The following SRD5A2 variants were observed in gnomAD, a reference collection of about 807,000 sequenced individuals.
The protein encoded by SRD5A2 is steroid 5 alpha-reductase 2.
In SRD5A2, 30 loss-of-function variants were observed where a neutral mutation model predicts 27.4. That is an observed-to-expected ratio of 1.10 (90% confidence interval 0.82 to 1.49). The LOEUF is 1.49. Ranked by LOEUF, SRD5A2 falls within the 40% of genes most tolerant of loss-of-function variation. The probability of loss-of-function intolerance (pLI) is 0.00; values close to 1 mark genes in which losing one functional copy is unlikely to be tolerated. For synonymous variants in SRD5A2, 141 were observed against 133.6 expected, an observed-to-expected ratio of 1.06 and a Z score of -0.38; for missense variants, 348 against 323.4, an observed-to-expected ratio of 1.08 and a Z score of -0.58.
chr2:31,568,147 C>T (rs953235680), intron 1 of SRD5A2, among the ~76,000 whole-genome samples: 2 of 152,136 alleles, frequency 1.3e-5, no homozygotes, highest in Admixed American at 6.5e-5. Context: ...CTTGGAGATG[C>T]CAGGAACCAC....
chr2:31,639,203 A>C, the SRD5A2 span, among the ~76,000 whole-genome samples: 6 of 152,094 alleles, frequency 3.9e-5, no homozygotes, highest in African/African-American at 9.7e-5. Context: ...ACAAATACAC[A>C]AAAAAATTCT....
At chr2:31,587,426 T>G in the SRD5A2 span, among the ~76,000 whole-genome samples, 1 of 152,234 alleles carries the variant, frequency 6.6e-6, no homozygotes, top group Non-Finnish European at 1.5e-5. Flanking sequence ...AGGATCATAA[T>G]TCATTCTACT....
In SRD5A2 at chr2:31,580,852, A is replaced by C. The variant is rs1405785453; in HGVS notation, c.49T>G (p.Leu17Val). 6.2e-7 allele frequency: 1 copy of C among 1,611,588 alleles called. No individual in the cohort carries two copies. The highest frequency in any genetic ancestry group is 1.1e-5 in the South Asian group (1 of 91,058). The change falls in exon 1 of 5, where the codon TTG (leucine) becomes GTG (valine). Residue 17 changes from leucine (L) to valine (V), a missense_variant. By Grantham distance (32) the Leu-to-Val change is conservative. Transcript: ENST00000622030. ...QSPVLAGSAT[L>V]VALGALALYV... The stretch of plus-strand genomic sequence containing the variant: ...AAGGCCAGTGCCCCAAGGGCGACCA[A>C]AGTGGCGCTGCCTGCCAGCACTGGG...
At chr2:31,652,084 A>G in the SRD5A2 span, among the ~76,000 whole-genome samples, 1 of 152,104 alleles carries the variant, frequency 6.6e-6, no homozygotes, top group Non-Finnish European at 1.5e-5. Context: ...TTAGCCCCCC[A>G]GTAGCTGGGA....
chr2:31,639,602 T>C, the SRD5A2 span, among the ~76,000 whole-genome samples: 1 of 152,088 alleles, frequency 6.6e-6, no homozygotes, highest in South Asian at 2.1e-4. Flanking sequence ...TGAATTATAA[T>C]TTTGCTGGAT....
At chr2:31,633,504 G>A in the SRD5A2 span, among the ~76,000 whole-genome samples, 1 of 152,154 alleles carries the variant, frequency 6.6e-6, no homozygotes, top group Admixed American at 6.5e-5. Context: ...CAGAATCAAA[G>A]CTGTGAACTA....
intron 1 of SRD5A2, among the ~76,000 whole-genome samples, chr2:31,558,791 C>G (rs1002294258): frequency 2.0e-5 from 3 of 152,100 alleles, no homozygotes; most frequent in Non-Finnish European, 1.5e-5. Flanking sequence ...AGCCTAGGAA[C>G]AATAGGATAT....
intron 1 of SRD5A2, chr2:31,563,003 T>A: frequency 6.6e-6 from 1 of 152,104 alleles, no homozygotes; most frequent in East Asian, 1.9e-4. Context: ...TAATTTTCCA[T>A]GTGAAAGTTT....
chr2:31,628,177 T>C, the SRD5A2 span, among the ~76,000 whole-genome samples: 1 of 152,168 alleles, frequency 6.6e-6, no homozygotes, highest in African/African-American at 2.4e-5. Context: ...CATATATAGT[T>C]AGGATAGGTA....
chr2:31,625,051 T>C, the SRD5A2 span, among the ~76,000 whole-genome samples: 1 of 152,184 alleles, frequency 6.6e-6, no homozygotes. Context: ...TGATTGCCAT[T>C]CTAACTGGTG....
At chr2:31,604,285 A>G in the SRD5A2 span, among the ~76,000 whole-genome samples, 1 of 151,804 alleles carries the variant, frequency 6.6e-6, no homozygotes, top group Non-Finnish European at 1.5e-5. Context: ...AGCTAGAACA[A>G]TTGGATGGAC....
At chr2:31,597,959 C>A in the SRD5A2 span, among the ~76,000 whole-genome samples, 1 of 151,982 alleles carries the variant, frequency 6.6e-6, no homozygotes, top group African/African-American at 2.4e-5. Context: ...TGGGTGTCTA[C>A]CCAGAGGAAA....
the SRD5A2 span, among the ~76,000 whole-genome samples, chr2:31,609,584 G>T: frequency 2.0e-5 from 3 of 152,014 alleles, no homozygotes; most frequent in African/African-American, 4.8e-5. Context: ...AATAAAATAG[G>T]ACCCTTATTT....
In SRD5A2 at chr2:31,564,937, AAAT is replaced by A. The variant is rs375655518; in HGVS notation, c.281+15680_281+15682del. Among the ~76,000 whole-genome samples the A allele has an allele frequency of 9.1e-3, 1,378 of 152,122 alleles. 19 individuals carry two copies. The highest frequency in any genetic ancestry group is 0.028 in the South Asian group (135 of 4,826). ...CATCAAATATGGCAACCACATAAGC[AAAT>A]ATATAACTTTTTTATTATCTTATTT... On this transcript the variant is annotated intron_variant, in intron 1 of 4. Coordinates refer to ENST00000622030, the MANE Select transcript of SRD5A2 (RefSeq NM_000348.4).
chr2:31,604,989 A>T, the SRD5A2 span, among the ~76,000 whole-genome samples: 1 of 151,894 alleles, frequency 6.6e-6, no homozygotes, highest in Non-Finnish European at 1.5e-5. Flanking sequence ...GAACCTAGAA[A>T]CAAATCCCAC....
At chr2:31,528,494 C>T (rs113631070) in intron 4 of SRD5A2, among the ~76,000 whole-genome samples, 35 of 152,276 alleles carry the variant, frequency 2.3e-4, no homozygotes, top group South Asian at 6.2e-4. Context: ...GGAGGCCAGG[C>T]GTGATGGCTT....
chr2:31,556,474 G>A (rs1017025136), intron 1 of SRD5A2, among the ~76,000 whole-genome samples: 1 of 152,184 alleles, frequency 6.6e-6, no homozygotes, highest in African/African-American at 2.4e-5. Context: ...CCTTAGAAAA[G>A]CAGCTCATCC....
At chr2:31,579,997 G>A (rs1667036864) in intron 1 of SRD5A2, among the ~76,000 whole-genome samples, 1 of 152,180 alleles carries the variant, frequency 6.6e-6, no homozygotes, top group South Asian at 2.1e-4. Flanking sequence ...CCTAAGAAGC[G>A]GGGACCCTCG....
At position 31,566,858 on chromosome 2, in the gene SRD5A2, A is replaced by G. The variant is rs28383006; in HGVS notation, c.281+13762T>C. ...AAGGTATAATAGGAGTTAAATAATT[A>G]AATACTTTAATAATACTAAAAGGAA... is the stretch of plus-strand genomic sequence containing the variant. On this transcript the variant is annotated intron_variant, in intron 1 of 4. Coordinates refer to ENST00000622030, the MANE Select transcript of SRD5A2 (RefSeq NM_000348.4). 9.7e-3 allele frequency among the ~76,000 whole-genome samples: 1,475 copies of G among 152,340 alleles called. 22 individuals carry two copies. The highest frequency in any genetic ancestry group is 0.028 in the South Asian group (137 of 4,830).
Sources: allele counts gnomAD v4.1 joint callset (sites outside exome capture counted in the v4.1 genomes callset), GRCh38; gene constraint gnomAD v4.1.1; transcripts MANE v1.5; gene names NCBI Gene and HGNC (gene_info 2026-07-23, HGNC 2026-07-21).